The following SHTN1 variants were observed in gnomAD, a reference collection of about 807,000 sequenced individuals.
The protein encoded by SHTN1 is shootin-1.
Under a neutral mutation model 83.1 loss-of-function variants are expected in SHTN1, and 42 were observed. That is an observed-to-expected ratio of 0.51 (90% CI 0.39 to 0.65). The LOEUF (loss-of-function observed/expected upper bound fraction) is 0.65, where lower values mean the gene tolerates loss of function less well. Among genes scored for constraint, SHTN1 ranks in the 30% least tolerant of loss-of-function variants. The pLI, the probability that SHTN1 is intolerant of heterozygous loss-of-function variation, is 0.00. For synonymous variants in SHTN1, 224 were observed against 247.7 expected (o/e 0.90, Z 0.90); for missense variants, 622 against 737.8 (o/e 0.84, Z 1.82).
intron 1 of SHTN1, among the ~76,000 whole-genome samples, chr10:117,092,060 G>A (rs1429763415): frequency 6.6e-6 from 1 of 152,156 alleles, no homozygotes; most frequent in African/African-American, 2.4e-5. Flanking sequence ...AAACTAATAA[G>A]GGATAGATGA....
chr10:117,026,392 G>A (rs1023911514), intron 2 of SHTN1, among the ~76,000 whole-genome samples: 1 of 151,358 alleles, frequency 6.6e-6, no homozygotes, highest in Non-Finnish European at 1.5e-5. Flanking sequence ...TACCAGCTCA[G>A]CCACAGTACA....
intron 2 of SHTN1, among the ~76,000 whole-genome samples, chr10:116,973,507 T>C (rs1850690206): frequency 6.6e-6 from 1 of 152,168 alleles, no homozygotes; most frequent in African/African-American, 2.4e-5. Flanking sequence ...ACTGAACAAA[T>C]TTATACAGGG....
At chr10:117,060,741 T>A (rs146247203) in intron 1 of SHTN1, among the ~76,000 whole-genome samples, 1 of 152,262 alleles carries the variant, frequency 6.6e-6, no homozygotes, top group African/African-American at 2.4e-5. Flanking sequence ...ATCTTCATGA[T>A]GACTGTACCA....
chr10:116,926,218 T>C (rs1014208734), intron 11 of SHTN1, among the ~76,000 whole-genome samples: 1 of 152,182 alleles, frequency 6.6e-6, no homozygotes, highest in African/African-American at 2.4e-5. Flanking sequence ...CTTTTAATTC[T>C]AGGGGCTCTC....
At chr10:116,944,718 C>T (rs911928248) in intron 8 of SHTN1, among the ~76,000 whole-genome samples, 3 of 151,822 alleles carry the variant, frequency 2.0e-5, no homozygotes, top group African/African-American at 7.3e-5. Context: ...TGGTGAAACC[C>T]CATCTCTAAT....
intron 16 of SHTN1, among the ~76,000 whole-genome samples, chr10:116,899,546 T>TGTGTGTGTGTGTGTGA (rs1311755308): frequency 1.5e-4 from 18 of 123,804 alleles, no homozygotes; most frequent in African/African-American, 5.2e-4. Context: ...TGTGTGTGTG[T>TGTGTGTGTGTGTGTGA]GAGAGAGTGC....
At chr10:116,897,882 T>C (rs1201544543) in intron 16 of SHTN1, among the ~76,000 whole-genome samples, 1 of 152,170 alleles carries the variant, frequency 6.6e-6, no homozygotes, top group African/African-American at 2.4e-5. Context: ...AGAAAATAAA[T>C]CACATTGTTT....
At chr10:116,940,068 A>G (rs560088843) in intron 9 of SHTN1, among the ~76,000 whole-genome samples, 1 of 152,312 alleles carries the variant, frequency 6.6e-6, no homozygotes, top group Non-Finnish European at 1.5e-5. Flanking sequence ...TTTTCTTTGA[A>G]TAAAACCTAT....
chr10:117,032,964 A>T (rs879105547), intron 2 of SHTN1, among the ~76,000 whole-genome samples: 1 of 152,206 alleles, frequency 6.6e-6, no homozygotes, highest in Non-Finnish European at 1.5e-5. Flanking sequence ...GAAATTAAGA[A>T]GGAAATTGAA....
In SHTN1 at chr10:116,945,021, TAAG is replaced by T. The variant is rs1849524927; in HGVS notation, c.617-6_617-4del. 1 of 1,549,004 alleles carries T rather than the reference TAAG, an allele frequency of 6.5e-7. No homozygotes were observed. Among genetic ancestry groups the T allele is most frequent in the Non-Finnish European group, 8.8e-7 (1 of 1,131,504 alleles). On this transcript the variant is annotated splice_region_variant and splice_polypyrimidine_tract_variant and intron_variant, in intron 7 of 16. Transcript: ENST00000355371. ...CTCTTCTACAGCTAACATGGACACT[TAAG>T]AAGATAAAGGAAAAAAAAAACCCAG...
At chr10:116,939,624 A>G (rs1053539676) in intron 9 of SHTN1, among the ~76,000 whole-genome samples, 1 of 152,174 alleles carries the variant, frequency 6.6e-6, no homozygotes, top group African/African-American at 2.4e-5. Context: ...CAGCCACCAT[A>G]TATCAACATT....
chr10:116,981,429 A>C (rs543410086), intron 1 of SHTN1, among the ~76,000 whole-genome samples: 29 of 152,326 alleles, frequency 1.9e-4, no homozygotes, highest in Admixed American at 1.8e-3. Context: ...CACCGCAAGA[A>C]CTAAGTAAAA....
chr10:117,025,568 C>T (rs1852323113), intron 2 of SHTN1, among the ~76,000 whole-genome samples: 1 of 152,122 alleles, frequency 6.6e-6, no homozygotes, highest in Non-Finnish European at 1.5e-5. Flanking sequence ...TACTGAGACA[C>T]CAGCCAGGGC....
chr10:116,992,016 C>T (rs1851453735), intron 1 of SHTN1, among the ~76,000 whole-genome samples: 1 of 151,962 alleles, frequency 6.6e-6, no homozygotes, highest in Non-Finnish European at 1.5e-5. Context: ...GTGGCACACA[C>T]CTGTAGTTCC....
chr10:117,048,514 A>G, intron 1 of SHTN1: 2 of 982,052 alleles, frequency 2.0e-6, no homozygotes, highest in South Asian at 9.4e-5. Context: ...GGCAAACCTG[A>G]AAAGGATTAA....
intron 2 of SHTN1, among the ~76,000 whole-genome samples, chr10:117,047,535 T>A (rs1852682784): frequency 6.6e-6 from 1 of 152,158 alleles, no homozygotes; most frequent in South Asian, 2.1e-4. Context: ...GTATCAACGA[T>A]AATTGCGATA....
At chr10:116,924,251 T>C (rs1387737729) in intron 11 of SHTN1, among the ~76,000 whole-genome samples, 2 of 152,182 alleles carry the variant, frequency 1.3e-5, no homozygotes, top group African/African-American at 2.4e-5. Flanking sequence ...GCGGGCTGGG[T>C]GTGAGGAGGG....
intron 2 of SHTN1, among the ~76,000 whole-genome samples, chr10:117,025,031 T>C (rs1403096270): frequency 1.3e-5 from 2 of 152,120 alleles, no homozygotes; most frequent in African/African-American, 2.4e-5. Context: ...AAGAGAAGAC[T>C]CCACTGATAG....
intron 2 of SHTN1, among the ~76,000 whole-genome samples, chr10:117,031,464 A>G (rs1275714904): frequency 6.6e-6 from 1 of 152,186 alleles, no homozygotes; most frequent in Non-Finnish European, 1.5e-5. Flanking sequence ...ATATTATAAC[A>G]CTGTAACTGC....
Sources: allele counts gnomAD v4.1 joint callset (sites outside exome capture counted in the v4.1 genomes callset), GRCh38; gene constraint gnomAD v4.1.1; transcripts MANE v1.5; gene names NCBI Gene and HGNC (gene_info 2026-07-23, HGNC 2026-07-21).